FUT8: variants seen among roughly 807,000 people sequenced by gnomAD.
FUT8 encodes fucosyltransferase 8.
FUT8 carries 29 observed loss-of-function variants against 71.3 expected under a neutral mutation model. The ratio of observed to expected loss-of-function variants is 0.41; its 90% CI spans 0.30 to 0.55. The LOEUF is 0.55. FUT8 is among the 20% of genes least tolerant of loss of function. FUT8 has a pLI of 0.34. For missense variants in FUT8, 544 were observed against 702.1 expected, an observed-to-expected ratio of 0.77 and a Z score of 2.55; for synonymous variants, 254 against 239.3, an observed-to-expected ratio of 1.06 and a Z score of -0.57.
chr14:65,623,281 C>CTT (rs200057529), intron 5 of FUT8, among the ~76,000 whole-genome samples: 18 of 150,660 alleles, frequency 1.2e-4, no homozygotes, highest in African/African-American at 4.4e-4. Flanking sequence ...GACTAGAAGT[C>CTT]TTTTTTTTTT....
At chr14:65,708,514 CT>C (rs1894664932) in intron 7 of FUT8, among the ~76,000 whole-genome samples, 1 of 151,964 alleles carries the variant, frequency 6.6e-6, no homozygotes, top group Admixed American at 6.6e-5. Context: ...TTTTTAATAT[CT>C]TTTGTCAATA....
chr14:65,734,038 TTC>T (rs1896104249), intron 10 of FUT8, among the ~76,000 whole-genome samples: 4 of 152,206 alleles, frequency 2.6e-5, no homozygotes, highest in Admixed American at 2.6e-4. Flanking sequence ...GTGGATTTTA[TTC>T]TGTTCTCTCG....
intron 1 of FUT8, among the ~76,000 whole-genome samples, chr14:65,431,143 G>T (rs1371668959): frequency 6.7e-6 from 1 of 150,226 alleles, no homozygotes; most frequent in Non-Finnish European, 1.5e-5. Flanking sequence ...TTACAGGCAT[G>T]CGCCACTATA....
intron 7 of FUT8, among the ~76,000 whole-genome samples, chr14:65,682,325 G>C (rs1337268345): frequency 6.6e-6 from 1 of 152,154 alleles, no homozygotes; most frequent in Non-Finnish European, 1.5e-5. Context: ...AACATAGTGA[G>C]ACCTGGTCTC....
chr14:65,448,862 C>T (rs143580270), intron 1 of FUT8, among the ~76,000 whole-genome samples: 16 of 152,180 alleles, frequency 1.1e-4, no homozygotes, highest in Admixed American at 5.9e-4. Flanking sequence ...GATACTGATA[C>T]GATTTTCCTT....
intron 2 of FUT8, among the ~76,000 whole-genome samples, chr14:65,506,172 G>A (rs929969981): frequency 6.6e-6 from 1 of 151,964 alleles, no homozygotes; most frequent in Non-Finnish European, 1.5e-5. Flanking sequence ...TGGTTCTTTC[G>A]GATTTCTTAA....
At chr14:65,409,303 C>T (rs900059447), upstream of FUT8, among the ~76,000 whole-genome samples, 2 of 152,176 alleles carry the variant, frequency 1.3e-5, no homozygotes, top group African/African-American at 4.8e-5. This position sits in a 1 kb window ranked among gnomAD's most constrained non-coding sequence, Gnocchi z 5.4. Context: ...AGTTGGTACA[C>T]GTTGGTAGAG....
chr14:65,416,202 GT>G (rs940067993), intron 1 of FUT8, among the ~76,000 whole-genome samples: 1 of 151,208 alleles, frequency 6.6e-6, no homozygotes, highest in Non-Finnish European at 1.5e-5. Flanking sequence ...ATAAAAGAAA[GT>G]TTTACAATCA....
chr14:65,617,051 T>C, intron 5 of FUT8: 2 of 1,576,562 alleles, frequency 1.3e-6, no homozygotes. Flanking sequence ...GAAACCTGTC[T>C]TTAGGCCTGT....
intron 2 of FUT8, among the ~76,000 whole-genome samples, chr14:65,543,378 G>C (rs573239113): frequency 9.2e-5 from 14 of 152,126 alleles, no homozygotes; most frequent in Admixed American, 9.2e-4. Context: ...TGGATAATAT[G>C]TATGGGCTTA....
At chr14:65,414,704 C>T (rs770345965) in intron 1 of FUT8, among the ~76,000 whole-genome samples, 1 of 152,126 alleles carries the variant, frequency 6.6e-6, no homozygotes, top group Admixed American at 6.5e-5. Context: ...AAGGTAGTTC[C>T]AAGACATGGA....
intron 7 of FUT8, among the ~76,000 whole-genome samples, chr14:65,689,056 T>A (rs1041480674): frequency 1.3e-5 from 2 of 152,158 alleles, no homozygotes; most frequent in Non-Finnish European, 2.9e-5. Flanking sequence ...AACATATGAA[T>A]TTGAGGGGAG....
At position 65,509,412 on chromosome 14, in the gene FUT8, TG is replaced by T. The variant is rs531684990; in HGVS notation, c.-227-51923del. 2.8e-3 allele frequency among the ~76,000 whole-genome samples: 429 copies of T among 152,308 alleles called. 2 individuals are homozygous for T. The highest frequency in any genetic ancestry group is 9.8e-3 in the African/African-American group (408 of 41,574). On this transcript the variant is annotated intron_variant, in intron 2 of 10. Transcript: ENST00000673929. ...GGCTTTGGTTATTCTGAGTCTTTTG[TG>T]GTTCCCTATAAATTTTAGGGTTTTT...
chr14:65,406,104 A>G (rs572232108), upstream of FUT8, among the ~76,000 whole-genome samples: 7 of 152,400 alleles, frequency 4.6e-5, no homozygotes, highest in Non-Finnish European at 1.0e-4. Context: ...GATGGTCTGA[A>G]TTAAATGAAT....
At chr14:65,402,751 A>G in the FUT8 span, among the ~76,000 whole-genome samples, 1 of 152,116 alleles carries the variant, frequency 6.6e-6, no homozygotes, top group African/African-American at 2.4e-5. Flanking sequence ...CTCCTGCCTC[A>G]GCCTCTTAAA....
intron 6 of FUT8, among the ~76,000 whole-genome samples, chr14:65,667,445 AC>A (rs1365800694): frequency 1.3e-5 from 2 of 152,142 alleles, no homozygotes; most frequent in Admixed American, 6.6e-5. Context: ...AGAATAAAAT[AC>A]CTAAGAATAC....
chr14:65,423,012 G>A (rs2065323248), intron 1 of FUT8, among the ~76,000 whole-genome samples: 2 of 141,196 alleles, frequency 1.4e-5, no homozygotes, highest in African/African-American at 5.3e-5. Flanking sequence ...TCGAGACTGA[G>A]TCTCGCTTTG....
At chr14:65,611,244 C>T (rs1888938599) in intron 3 of FUT8, among the ~76,000 whole-genome samples, 1 of 24,102 alleles carries the variant, frequency 4.1e-5, no homozygotes, top group South Asian at 1.9e-3. Context: ...CACACACACA[C>T]ACACACACAC....
intron 2 of FUT8, among the ~76,000 whole-genome samples, chr14:65,481,790 C>A (rs2066335452): frequency 1.3e-5 from 2 of 151,956 alleles, no homozygotes. Context: ...AATATCTGTT[C>A]AAATATTTTG....
Sources: allele counts gnomAD v4.1 joint callset (sites outside exome capture counted in the v4.1 genomes callset), GRCh38; gene constraint gnomAD v4.1.1; non-coding constraint Gnocchi (gnomAD v3.1); transcripts MANE v1.5; gene names NCBI Gene and HGNC (gene_info 2026-07-23, HGNC 2026-07-21).